ROBO2: variants seen among roughly 807,000 people sequenced by gnomAD.
ROBO2 encodes roundabout guidance receptor 2.
Under a neutral mutation model 160.8 loss-of-function variants are expected in ROBO2, and 53 were observed. The ratio of observed to expected loss-of-function variants is 0.33; its 90% CI spans 0.26 to 0.41. The LOEUF (loss-of-function observed/expected upper bound fraction) is 0.41. Among genes scored for constraint, ROBO2 ranks in the 10% least tolerant of loss-of-function variants. ROBO2 has a pLI of 1.00. For synonymous variants in ROBO2, 664 were observed against 611.7 expected (o/e 1.09, Z -1.26); for missense variants, 1,577 against 1,722.4 (o/e 0.92, Z 1.49).
At chr3:75,979,077 A>G (rs2065208498) in intron 2 of ROBO2, among the ~76,000 whole-genome samples, 1 of 151,588 alleles carries the variant, frequency 6.6e-6, no homozygotes, top group Non-Finnish European at 1.5e-5. Flanking sequence ...TGTAAGATCA[A>G]CTGCTCCCAG....
Position 77,644,673 on chromosome 3 carries a change from ATTTAGCCTTTGGGT to A in ROBO2, c.3935-27_3935-14del, listed in dbSNP as rs2095393447. 6.2e-7 allele frequency: 1 copy of A among 1,608,400 alleles called. No individual in the cohort carries two copies. The highest frequency in any genetic ancestry group is 1.3e-5 in the African/African-American group (1 of 74,746). The stretch of plus-strand genomic sequence containing the variant: ...TAGTTTGCCTCCATGTTTCTGTTCA[ATTTAGCCTTTGGGT>A]TTTTTTTCTTTTTCAGAGGAGGCCT... On this transcript the variant is annotated splice_polypyrimidine_tract_variant and intron_variant, in intron 24 of 25. Transcript: ENST00000461745.
chr3:75,980,666 G>A (rs2065248974), intron 2 of ROBO2, among the ~76,000 whole-genome samples: 1 of 151,564 alleles, frequency 6.6e-6, no homozygotes, highest in Admixed American at 6.6e-5. Flanking sequence ...TGATAATTTA[G>A]AAGACTCAAA....
chr3:77,492,973 G>A (rs142433985), intron 4 of ROBO2, among the ~76,000 whole-genome samples: 2,693 of 152,150 alleles, frequency 0.018, 75 homozygotes, highest in African/African-American at 0.059. Context: ...ACCTGATTTA[G>A]CTCAGGGATT....
At chr3:76,004,567 A>C (rs2065970935) in intron 2 of ROBO2, among the ~76,000 whole-genome samples, 1 of 152,172 alleles carries the variant, frequency 6.6e-6, no homozygotes. Context: ...CCTGATTCAG[A>C]GGTGGCTGTC....
At chr3:77,317,332 G>T in intron 2 of ROBO2, 1 of 784,306 alleles carries the variant, frequency 1.3e-6, no homozygotes, top group Non-Finnish European at 2.2e-6. Flanking sequence ...CTCAGGCCAC[G>T]TGCAAGCTGA....
At chr3:76,146,989 T>C (rs1016357646) in intron 2 of ROBO2, among the ~76,000 whole-genome samples, 5 of 148,610 alleles carry the variant, frequency 3.4e-5, no homozygotes, top group Non-Finnish European at 6.0e-5. Flanking sequence ...GATTGGGAGG[T>C]GGGAGAAGAT....
Position 75,929,701 on chromosome 3 carries a change from C to CT in ROBO2, c.-13-7769dup, listed in dbSNP as rs200602336. Reference sequence around the variant, plus strand: ...AGACCTCCTTCCTGGGCACTCTTGTCTTTTTTTTTTTGAGATGGAGTCTTG... The same window carrying CT: ...AGACCTCCTTCCTGGGCACTCTTGTCTTTTTTTTTTTTGAGATGGAGTCTTG... On this transcript the variant is annotated intron_variant, in intron 1 of 26. Coordinates refer to the ROBO2 transcript ENST00000487694. Among the ~76,000 whole-genome samples, 1,797 of 147,030 alleles carry CT rather than the reference C, an allele frequency of 0.012. 193 individuals are homozygous for CT. The East Asian group carries it at 0.28, about 23-fold the overall frequency.
intron 2 of ROBO2, among the ~76,000 whole-genome samples, chr3:77,265,040 A>G (rs1350259816): frequency 6.6e-6 from 1 of 152,112 alleles, no homozygotes; most frequent in African/African-American, 2.4e-5. Flanking sequence ...TGGTCACATG[A>G]TCTGATGGAA....
chr3:77,323,970 A>G (rs1002616112), intron 2 of ROBO2, among the ~76,000 whole-genome samples: 28 of 152,250 alleles, frequency 1.8e-4, no homozygotes, highest in African/African-American at 6.7e-4. Context: ...AATTTAACCC[A>G]TATGTTTGTT....
intron 2 of ROBO2, among the ~76,000 whole-genome samples, chr3:75,998,659 G>C (rs1051066541): frequency 1.3e-5 from 2 of 152,164 alleles, no homozygotes; most frequent in African/African-American, 4.8e-5. Context: ...GTTTCTATCA[G>C]CATGCAGCAG....
chr3:75,965,743 A>G (rs1229681800), intron 2 of ROBO2, among the ~76,000 whole-genome samples: 2 of 151,696 alleles, frequency 1.3e-5, no homozygotes, highest in African/African-American at 2.4e-5. Context: ...CAAAGAAGAA[A>G]GATGACCAAA....
intron 2 of ROBO2, among the ~76,000 whole-genome samples, chr3:77,195,885 G>C (rs17820512): frequency 0.2 from 29,825 of 152,182 alleles, 3,371 homozygotes; most frequent in Middle Eastern, 0.31. Flanking sequence ...GGCAAGTATT[G>C]CGCTGATGAG....
At chr3:77,197,171 C>A (rs2082387342) in intron 2 of ROBO2, among the ~76,000 whole-genome samples, 1 of 152,142 alleles carries the variant, frequency 6.6e-6, no homozygotes, top group African/African-American at 2.4e-5. Flanking sequence ...AGTCTTCAAT[C>A]CCATTTTGAA....
intron 2 of ROBO2, among the ~76,000 whole-genome samples, chr3:76,552,729 A>C (rs772221680): frequency 6.6e-6 from 1 of 152,178 alleles, no homozygotes; most frequent in Non-Finnish European, 1.5e-5. Flanking sequence ...ACCCCAGAGA[A>C]GATGATATCT....
chr3:76,103,929 C>A (rs755672364), intron 2 of ROBO2, among the ~76,000 whole-genome samples: 2 of 152,192 alleles, frequency 1.3e-5, no homozygotes, highest in Non-Finnish European at 2.9e-5. Flanking sequence ...ACATAAAAAA[C>A]CATCTCAGGT....
chr3:76,695,843 T>A (rs1216004531), intron 2 of ROBO2, among the ~76,000 whole-genome samples: 1 of 152,166 alleles, frequency 6.6e-6, no homozygotes, highest in African/African-American at 2.4e-5. Flanking sequence ...TCCTTCCATA[T>A]ACCTAATCAC....
intron 2 of ROBO2, among the ~76,000 whole-genome samples, chr3:76,357,549 A>G (rs561608695): frequency 5.9e-4 from 89 of 151,984 alleles, no homozygotes; most frequent in Non-Finnish European, 1.1e-3. Flanking sequence ...GGGGTTGGCT[A>G]GAAGGTTACA....
At chr3:76,908,419 A>G (rs534053724) in intron 2 of ROBO2, among the ~76,000 whole-genome samples, 14 of 152,286 alleles carry the variant, frequency 9.2e-5, no homozygotes, top group African/African-American at 2.9e-4. Context: ...GCACAGACCC[A>G]GATATATCAG....
At chr3:76,242,581 C>T (rs1705357172) in intron 2 of ROBO2, among the ~76,000 whole-genome samples, 1 of 152,080 alleles carries the variant, frequency 6.6e-6, no homozygotes, top group Admixed American at 6.5e-5. Context: ...AATAAATCTC[C>T]GAAGCAAGAA....
Sources: allele counts gnomAD v4.1 joint callset (sites outside exome capture counted in the v4.1 genomes callset), GRCh38; gene constraint gnomAD v4.1.1; transcripts MANE v1.5; gene names NCBI Gene and HGNC (gene_info 2026-07-23, HGNC 2026-07-21).